KHDRBS3: variants seen among roughly 807,000 people sequenced by gnomAD.
The protein encoded by KHDRBS3 is KH domain-containing, RNA-binding, signal transduction-associated protein 3.
In KHDRBS3, 23 loss-of-function variants were observed where a neutral mutation model predicts 45.6. The ratio of observed to expected loss-of-function variants is 0.50; its 90% confidence interval spans 0.36 to 0.72. The LOEUF (loss-of-function observed/expected upper bound fraction) is 0.72. KHDRBS3 is among the 30% of genes least tolerant of loss of function. KHDRBS3 has a pLI of 0.00. For missense variants in KHDRBS3, 352 were observed against 424.8 expected (o/e 0.83, Z 1.51); for synonymous variants, 162 against 156.5 (o/e 1.04, Z -0.26).
chr8:135,629,720 A>T (rs1183086588), intron 7 of KHDRBS3, among the ~76,000 whole-genome samples: 1 of 152,220 alleles, frequency 6.6e-6, no homozygotes, highest in Non-Finnish European at 1.5e-5. Flanking sequence ...GAGGCATTGG[A>T]TTGAGGTGCA....
chr8:135,652,658 C>A (rs1208393201), intron 4 of KHDRBS3, among the ~76,000 whole-genome samples: 1 of 152,204 alleles, frequency 6.6e-6, no homozygotes, highest in Non-Finnish European at 1.5e-5. Context: ...CTGTTGCTGG[C>A]CTATCCAGAC....
At chr8:135,633,334 G>A (rs965960943) in intron 7 of KHDRBS3, among the ~76,000 whole-genome samples, 8 of 152,152 alleles carry the variant, frequency 5.3e-5, no homozygotes, top group African/African-American at 1.9e-4. Flanking sequence ...TGCACAGTGC[G>A]GTGTTCATGC....
intron 7 of KHDRBS3, among the ~76,000 whole-genome samples, chr8:135,634,200 C>G (rs916674648): frequency 4.6e-5 from 7 of 152,192 alleles, no homozygotes; most frequent in Middle Eastern, 3.2e-3. Context: ...AGTCCTACTT[C>G]CCACTGTTTT....
chr8:135,592,728 T>G (rs1355683405), intron 6 of KHDRBS3, among the ~76,000 whole-genome samples: 2 of 143,946 alleles, frequency 1.4e-5, no homozygotes, highest in East Asian at 4.2e-4. Flanking sequence ...ACCCAGGGAA[T>G]TAGTAAATCT....
In KHDRBS3 at chr8:135,521,332, A is replaced by C; in HGVS notation, c.184A>C (p.Ile62Leu). The change falls in exon 2 of 9, where the codon ATT (isoleucine) becomes CTT (leucine). Residue 62 changes from isoleucine (I) to leucine (L), a missense_variant. Around this residue, in one of 6 missense-constraint regions of KHDRBS3, gnomAD observed 9 missense variants for 36.5 expected, o/e 0.25. Transcript: ENST00000355849. ...CATGAAGCTGGGACAGAAAGTGTTA[A>C]TTCCCGTAAAACAGTTCCCTAAGGT... ...KNMKLGQKVL[I>L]PVKQFPKFNF... The C allele has an allele frequency of 6.2e-7, 1 of 1,609,654 alleles. No individual in the cohort carries two copies. The highest frequency in any genetic ancestry group is 8.5e-7 in the Non-Finnish European group (1 of 1,175,910).
intron 1 of KHDRBS3, among the ~76,000 whole-genome samples, chr8:135,487,040 T>C (rs1822898057): frequency 6.6e-6 from 1 of 152,222 alleles, no homozygotes; most frequent in Non-Finnish European, 1.5e-5. Flanking sequence ...TCCTTTATTC[T>C]TTCCTTTATA....
At chr8:135,545,220 TTC>T (rs1826233499) in intron 3 of KHDRBS3, among the ~76,000 whole-genome samples, 1 of 152,114 alleles carries the variant, frequency 6.6e-6, no homozygotes, top group Non-Finnish European at 1.5e-5. Flanking sequence ...AGCTCTCTTA[TTC>T]TCTGCATGTT....
At position 135,647,244 on chromosome 8, in the gene KHDRBS3, A is replaced by AG. The variant is rs1190523720; in HGVS notation, c.*161dup. The AG allele has an allele frequency of 6.3e-5, 13 of 206,448 alleles. No homozygotes were observed. Among genetic ancestry groups the AG allele is most frequent in the African/African-American group, 3.6e-4 (9 of 25,114 alleles). The allele number at this position is 206,448 out of a possible 1,614,324, so 12.8% of individuals were successfully genotyped here. On this transcript the variant is annotated 3_prime_UTR_variant, in exon 9 of 9. Transcript: ENST00000355849. ...ACTTTGTTGAAACATCAACCTGGGC[A>AG]GAAAAAAAAAAAAAAAGACATGTAA...
At chr8:135,481,223 G>GATATATAGATATATATATATATATATAT (rs1822551676) in intron 1 of KHDRBS3, among the ~76,000 whole-genome samples, 1 of 77,406 alleles carries the variant, frequency 1.3e-5, no homozygotes, top group African/African-American at 4.9e-5. Context: ...TGAAAGCCAC[G>GATATATAGATATATATATATATATATAT]ATATATATAT....
At chr8:135,480,586 G>T (rs1314228965) in intron 1 of KHDRBS3, among the ~76,000 whole-genome samples, 1 of 151,920 alleles carries the variant, frequency 6.6e-6, no homozygotes, top group Non-Finnish European at 1.5e-5. Context: ...GTACATAGAA[G>T]GCACTCTTTA....
At chr8:135,538,821 A>G (rs959134833) in intron 2 of KHDRBS3, 2 of 152,206 alleles carry the variant, frequency 1.3e-5, no homozygotes, top group African/African-American at 2.4e-5. Flanking sequence ...TATTATTTAT[A>G]TCATCCAGAA....
At chr8:135,570,365 A>G (rs1235218874) in intron 5 of KHDRBS3, among the ~76,000 whole-genome samples, 2 of 152,202 alleles carry the variant, frequency 1.3e-5, no homozygotes, top group African/African-American at 4.8e-5. Flanking sequence ...ATAACTGCAA[A>G]TGATGTACTT....
chr8:135,637,109 TC>T (rs1216247191), intron 7 of KHDRBS3, among the ~76,000 whole-genome samples: 1 of 152,190 alleles, frequency 6.6e-6, no homozygotes, highest in Admixed American at 6.5e-5. Flanking sequence ...AGCATATTAT[TC>T]AATACCCTCC....
At chr8:135,548,484 G>GCAGATGATGGGGCTCCTA (rs1826420414) in intron 3 of KHDRBS3, among the ~76,000 whole-genome samples, 1 of 152,120 alleles carries the variant, frequency 6.6e-6, no homozygotes, top group South Asian at 2.1e-4. Flanking sequence ...GCGGAAGTGA[G>GCAGATGATGGGGCTCCTA]CAGATGATGG....
chr8:135,572,621 G>T (rs1350240029), intron 5 of KHDRBS3, among the ~76,000 whole-genome samples: 2 of 152,252 alleles, frequency 1.3e-5, no homozygotes, highest in Non-Finnish European at 1.5e-5. Flanking sequence ...TTGAGGGCCT[G>T]TTAGAAAAGC....
Position 135,586,570 on chromosome 8 carries a change from AT to A in KHDRBS3, c.807+4498del, listed in dbSNP as rs1228611651. ...AAGGGATGATGTTCGGATTAAAAAA[AT>A]GAACAAAGCGCTACTAATACATTTA... On this transcript the variant is annotated intron_variant, in intron 6 of 8. Transcript: ENST00000355849. Among the ~76,000 whole-genome samples the A allele has an allele frequency of 1.3e-5, 2 of 152,224 alleles. 1 individual carries two copies. The highest frequency in any genetic ancestry group is 4.1e-4 in the South Asian group (2 of 4,832).
chr8:135,460,563 A>G (rs1821379512), intron 1 of KHDRBS3, among the ~76,000 whole-genome samples: 1 of 152,230 alleles, frequency 6.6e-6, no homozygotes, highest in South Asian at 2.1e-4. Flanking sequence ...GGAATGAAAT[A>G]CTTCTCACTT....
chr8:135,567,822 T>C (rs1827503475), intron 5 of KHDRBS3, among the ~76,000 whole-genome samples: 1 of 152,232 alleles, frequency 6.6e-6, no homozygotes, highest in Admixed American at 6.5e-5. Context: ...TTGGACTGAA[T>C]ACATGTTTAA....
intron 6 of KHDRBS3, among the ~76,000 whole-genome samples, chr8:135,603,180 C>G (rs2131011576): frequency 6.6e-6 from 1 of 152,282 alleles, no homozygotes; most frequent in South Asian, 2.1e-4. Flanking sequence ...TTATAGTTGT[C>G]TCTTTAGTTG....
Sources: gnomAD v4.1 joint callset for allele counts (sites outside exome capture counted in the v4.1 genomes callset) on GRCh38, gnomAD v4.1.1 for gene constraint, gnomAD v4.1.1 regional missense constraint, MANE v1.5 for transcripts, NCBI Gene and HGNC (gene_info 2026-07-23, HGNC 2026-07-21) for gene names.